NKAIN3: variants seen among roughly 807,000 people sequenced by gnomAD.
NKAIN3 encodes sodium/potassium-transporting ATPase subunit beta-1-interacting protein 3.
NKAIN3 carries 25 observed loss-of-function variants against 30.2 expected under a neutral mutation model. That is an observed-to-expected ratio of 0.83 (90% CI 0.60 to 1.16). NKAIN3 has a LOEUF of 1.16. Ranked by LOEUF, NKAIN3 falls within the 50% of genes most tolerant of loss-of-function variation. The probability of loss-of-function intolerance (pLI) is 0.00; values close to 1 mark genes in which losing one functional copy is unlikely to be tolerated. For synonymous variants in NKAIN3, 91 were observed against 89.6 expected (o/e 1.02, Z -0.09); for missense variants, 225 against 254.1 (o/e 0.89, Z 0.78).
chr8:62,274,359 T>C (rs1485161716), intron 1 of NKAIN3, among the ~76,000 whole-genome samples: 1 of 152,094 alleles, frequency 6.6e-6, no homozygotes, highest in African/African-American at 2.4e-5. Context: ...TCCATTGAAG[T>C]TGGGTGTAGT....
At chr8:62,793,075 G>A (rs1817751629) in intron 4 of NKAIN3, among the ~76,000 whole-genome samples, 1 of 152,030 alleles carries the variant, frequency 6.6e-6, no homozygotes, top group South Asian at 2.1e-4. Flanking sequence ...CAATTCATCT[G>A]TGGAGTCTTA....
chr8:62,548,412 C>G (rs1159653022), intron 1 of NKAIN3, among the ~76,000 whole-genome samples: 5 of 152,138 alleles, frequency 3.3e-5, no homozygotes, highest in Non-Finnish European at 7.4e-5. Context: ...AGGACTCAGT[C>G]TGCCCCTGTC....
intron 1 of NKAIN3, among the ~76,000 whole-genome samples, chr8:62,572,789 C>T (rs1352972638): frequency 1.3e-5 from 2 of 152,114 alleles, no homozygotes; most frequent in Non-Finnish European, 2.9e-5. Flanking sequence ...GACCTGTCCC[C>T]ATGATTCAAT....
intron 1 of NKAIN3, among the ~76,000 whole-genome samples, chr8:62,460,117 A>G (rs374404119): frequency 1.4e-4 from 22 of 152,246 alleles, no homozygotes; most frequent in South Asian, 1.2e-3. Flanking sequence ...CATCAAAGCA[A>G]TAAGAAAACT....
Position 62,745,291 on chromosome 8 carries a change from C to A in NKAIN3, c.274-1641C>A, listed in dbSNP as rs114142587. Among the ~76,000 whole-genome samples, 47 of 152,332 alleles carry A rather than the reference C, an allele frequency of 3.1e-4. 1 individual carries two copies. The East Asian group carries it at 8.5e-3, about 27-fold the overall frequency. ...TGTGTCAGTTGTGCTGCATAGTCTG[C>A]GGGCAGCCTCTGCACCTCTCAGCAA... On this transcript the variant is annotated intron_variant, in intron 3 of 6. Transcript: ENST00000623646.
intron 1 of NKAIN3, among the ~76,000 whole-genome samples, chr8:62,541,073 G>A (rs1157410555): frequency 1.3e-5 from 2 of 152,060 alleles, no homozygotes; most frequent in Non-Finnish European, 2.9e-5. Flanking sequence ...ACTTTGGGAG[G>A]CTGAGGTGGG....
intron 3 of NKAIN3, among the ~76,000 whole-genome samples, chr8:62,707,249 T>G (rs1814560711): frequency 6.6e-6 from 1 of 152,132 alleles, no homozygotes; most frequent in African/African-American, 2.4e-5. Flanking sequence ...TACCCAGTAG[T>G]GGGATTGTTG....
intron 3 of NKAIN3, among the ~76,000 whole-genome samples, chr8:62,678,559 CAA>C (rs1813550747): frequency 6.6e-6 from 1 of 151,726 alleles, no homozygotes; most frequent in Admixed American, 6.6e-5. Flanking sequence ...TAAAATGGCC[CAA>C]GTCACCAAGA....
chr8:62,488,277 A>T (rs1806961091), intron 1 of NKAIN3, among the ~76,000 whole-genome samples: 1 of 152,012 alleles, frequency 6.6e-6, no homozygotes, highest in Non-Finnish European at 1.5e-5. Flanking sequence ...GCTCTGCTTT[A>T]CCTCAGTGTC....
chr8:62,332,930 G>A (rs1815403320), intron 1 of NKAIN3, among the ~76,000 whole-genome samples: 1 of 152,090 alleles, frequency 6.6e-6, no homozygotes, highest in South Asian at 2.1e-4. Flanking sequence ...GGAGAATGAG[G>A]TTGCGGCGAC....
chr8:62,839,841 G>A (rs563427313), intron 4 of NKAIN3, among the ~76,000 whole-genome samples: 25 of 151,860 alleles, frequency 1.6e-4, no homozygotes, highest in South Asian at 1.5e-3. Flanking sequence ...CTCGAACTCA[G>A]GCCTCAAGCA....
intron 1 of NKAIN3, among the ~76,000 whole-genome samples, chr8:62,418,953 C>G (rs1563390374): frequency 6.6e-6 from 1 of 152,162 alleles, no homozygotes; most frequent in Non-Finnish European, 1.5e-5. Context: ...AAGCATTTCT[C>G]TCCTGGGATA....
chr8:62,349,608 G>A (rs762337688), intron 1 of NKAIN3, among the ~76,000 whole-genome samples: 5 of 152,162 alleles, frequency 3.3e-5, no homozygotes, highest in Admixed American at 6.5e-5. Flanking sequence ...GCATATGCAC[G>A]TGGTACAGGC....
intron 3 of NKAIN3, among the ~76,000 whole-genome samples, chr8:62,703,475 A>T (rs1207700980): frequency 6.6e-6 from 1 of 152,228 alleles, no homozygotes; most frequent in Non-Finnish European, 1.5e-5. Flanking sequence ...ATTTAGATAT[A>T]TCAGCTATTT....
intron 1 of NKAIN3, among the ~76,000 whole-genome samples, chr8:62,458,707 C>T (rs535611000): frequency 2.0e-5 from 3 of 152,284 alleles, no homozygotes; most frequent in South Asian, 4.1e-4. Flanking sequence ...AAAACCTTCA[C>T]CAAAATTCAA....
At chr8:62,787,701 C>T (rs912780030) in intron 4 of NKAIN3, among the ~76,000 whole-genome samples, 2 of 152,046 alleles carry the variant, frequency 1.3e-5, no homozygotes, top group Non-Finnish European at 2.9e-5. Flanking sequence ...CACAACAGTC[C>T]CCGGTGTGTG....
At chr8:62,816,510 G>T (rs1349202465) in intron 4 of NKAIN3, among the ~76,000 whole-genome samples, 2 of 152,162 alleles carry the variant, frequency 1.3e-5, no homozygotes, top group African/African-American at 4.8e-5. Context: ...TACATTGGCA[G>T]TTCTACCTCT....
chr8:62,345,632 C>T (rs1468788517), intron 1 of NKAIN3, among the ~76,000 whole-genome samples: 2 of 137,720 alleles, frequency 1.5e-5, no homozygotes, highest in Non-Finnish European at 3.0e-5. Flanking sequence ...TATATATACA[C>T]ATATATGTAT....
At chr8:62,375,299 C>T (rs1817038884) in intron 1 of NKAIN3, among the ~76,000 whole-genome samples, 1 of 152,158 alleles carries the variant, frequency 6.6e-6, no homozygotes. Flanking sequence ...CTATGAAGTA[C>T]AGTTCAAATG....
Sources: gnomAD v4.1 joint callset for allele counts (sites outside exome capture counted in the v4.1 genomes callset) on GRCh38, gnomAD v4.1.1 for gene constraint, MANE v1.5 for transcripts, NCBI Gene and HGNC (gene_info 2026-07-23, HGNC 2026-07-21) for gene names.